The following MED13 variants were observed in gnomAD, a reference collection of about 807,000 sequenced individuals.
MED13 encodes the protein mediator of RNA polymerase II transcription subunit 13.
In MED13, 23 loss-of-function variants were observed where a neutral mutation model predicts 225.2. That is an observed-to-expected ratio of 0.10 (90% CI 0.07 to 0.14). The LOEUF is 0.14. MED13 is among the 10% of genes least tolerant of loss of function. MED13 has a pLI of 1.00. For synonymous variants in MED13, 942 were observed against 889.2 expected (o/e 1.06, Z -1.06); for missense variants, 2,197 against 2,594.5 (o/e 0.85, Z 3.33).
At chr17:61,959,502 C>G (rs2079979132) in intron 23 of MED13, among the ~76,000 whole-genome samples, 1 of 151,812 alleles carries the variant, frequency 6.6e-6, no homozygotes, top group African/African-American at 2.4e-5. Context: ...AAAATTGTAT[C>G]AAGGAAATAA....
chr17:61,967,895 TAA>T (rs2080072973), intron 18 of MED13, 138 bp downstream of exon 18: 7 of 668,886 alleles, frequency 1.0e-5, no homozygotes, highest in Non-Finnish European at 1.7e-5. Context: ...GCAAAGAATG[TAA>T]CTGGCTAGTA....
rs2080074515 is a variant in MED13, at chr17:61,968,048, G to A, written c.4178C>T (p.Thr1393Ile). The A allele has an allele frequency of 6.2e-7, 1 of 1,610,366 alleles. No individual in the cohort carries two copies. Residue 1393 changes from threonine to isoleucine, a missense_variant, in exon 18 of 30, where the codon ACT becomes ATT. Thr to Ile is a moderately conservative substitution (Grantham distance 89, BLOSUM62 -1). This residue lies in a region of MED13 where 457 missense variants were observed against 442.2 expected (regional missense o/e 1.03). Transcript: ENST00000397786. The stretch of plus-strand genomic sequence containing the variant: ...TTAAACACCTACCTCATATATTGCA[G>A]TAAGATCTCTAAAAAAGCTTTTTGC... Reference protein sequence around the residue: ...NGAKSFFRDLTAIYESCRLGQ... With the variant: ...NGAKSFFRDLIAIYESCRLGQ...
chr17:62,052,809 T>G, intron 2 of MED13, 104 bp from the exon 3 acceptor site: 1 of 673,068 alleles, frequency 1.5e-6, no homozygotes, highest in Non-Finnish European at 2.3e-6. Flanking sequence ...AACACTAGCT[T>G]ACCCCAGAAT....
rs754218670 is a variant in MED13 at position 61,961,677 on chromosome 17, G to A, written c.5167C>T (p.Arg1723Trp). ...TTGGTTGATGTTGGAAGTGGCCTCC[G>A]ACACTGGGTAAAGGCCGAAAAAGCC... The part of the protein sequence containing the change: ...SLAFSAFTQC[R>W]RPLPTSTNVK... Residue 1723 changes from arginine to tryptophan, a missense_variant, in exon 22 of 30, where the codon CGG becomes TGG. This residue lies in a region of MED13 where 457 missense variants were observed against 442.2 expected (regional missense o/e 1.03). Transcript: ENST00000397786. 1.1e-5 allele frequency: 17 copies of A among 1,613,950 alleles called. No homozygotes were observed. Among genetic ancestry groups the A allele is most frequent in the Non-Finnish European group, 1.4e-5 (17 of 1,179,994 alleles).
chr17:61,959,774 G>A (rs553871592), intron 23 of MED13, among the ~76,000 whole-genome samples: 8 of 138,620 alleles, frequency 5.8e-5, no homozygotes, highest in Admixed American at 1.6e-4. Flanking sequence ...TGTCGCCCAC[G>A]TTAAAGTGCA....
chr17:62,024,523 A>G (rs1161518366), intron 8 of MED13, among the ~76,000 whole-genome samples: 1 of 152,130 alleles, frequency 6.6e-6, no homozygotes, highest in Non-Finnish European at 1.5e-5. Context: ...TGGGAAAGAA[A>G]ATCCTAATTT....
At chr17:62,018,715 C>CA (rs200425824) in intron 8 of MED13, among the ~76,000 whole-genome samples, 34,599 of 124,612 alleles carry the variant, frequency 0.28, 4,916 homozygotes, top group East Asian at 0.52. Context: ...GACCCTATCT[C>CA]AAAAAAAAAA....
At chr17:61,948,236 A>G (rs1176344084) in intron 28 of MED13, among the ~76,000 whole-genome samples, 2 of 152,234 alleles carry the variant, frequency 1.3e-5, no homozygotes, top group Admixed American at 6.5e-5. Context: ...GTGAACAAAA[A>G]GTATGGTAAA....
Position 62,052,655 on chromosome 17 carries a change from G to C in MED13, c.352C>G (p.Leu118Val). The C allele has an allele frequency of 6.2e-7, 1 of 1,601,498 alleles. No homozygotes were observed. Residue 118 changes from leucine to valine, a missense_variant, in exon 3 of 30, where the codon CTG (leucine) becomes GTG (valine). This residue lies in a region of MED13 where 884 missense variants were observed against 918.5 expected (regional missense o/e 0.96). Transcript: ENST00000397786. ...AGATTGTGAACTGCTTTGAAAAGCA[G>C]AGTACGGCATTCATAGGAAAGTCCA... ...ENGLSYECRTLLFKAVHNLLE... is the reference protein window; with the variant it reads ...ENGLSYECRTVLFKAVHNLLE...
chr17:62,051,911 C>G (rs2080960372), intron 3 of MED13, among the ~76,000 whole-genome samples: 1 of 152,110 alleles, frequency 6.6e-6, no homozygotes. Context: ...CACGGAGAAG[C>G]GAGTAACCTG....
At chr17:62,054,829 C>A (rs1020693179) in intron 2 of MED13, among the ~76,000 whole-genome samples, 1 of 151,902 alleles carries the variant, frequency 6.6e-6, no homozygotes, top group African/African-American at 2.4e-5. Flanking sequence ...TTTTTATTAC[C>A]TTTTATTTCA....
chr17:62,031,398 C>G, intron 6 of MED13, 46 bp downstream of exon 6: 1 of 1,435,248 alleles, frequency 7.0e-7, no homozygotes, highest in Non-Finnish European at 9.3e-7. Flanking sequence ...TTACTGTACA[C>G]AAAATAACAA....
Position 61,943,409 on chromosome 17 carries a change from CTGCAAATCTTTGT to C in MED13, c.*3046_*3058del, listed in dbSNP as rs2079829295. On this transcript the variant is annotated 3_prime_UTR_variant, in exon 30 of 30. Coordinates refer to ENST00000397786, the MANE Select transcript of MED13 (RefSeq NM_005121.3). The stretch of plus-strand genomic sequence containing the variant: ...ATTAACATAGTGCTTGATTAAAGAT[CTGCAAATCTTTGT>C]AGTAACACATTAAGTTAAAAAATTA... The C allele has an allele frequency of 6.6e-6, 1 of 152,488 alleles. No individual in the cohort carries two copies. The highest frequency in any genetic ancestry group is 1.5e-5 in the Non-Finnish European group (1 of 67,984). 9.4% of individuals were successfully genotyped at this position (152,488 alleles called of 1,614,324 possible). A position where few individuals can be genotyped will look rare whatever the true frequency, so the allele number is the denominator to read the frequency against.
intron 23 of MED13, among the ~76,000 whole-genome samples, chr17:61,956,942 G>T (rs765562076): frequency 6.6e-6 from 1 of 152,024 alleles, no homozygotes; most frequent in Non-Finnish European, 1.5e-5. Flanking sequence ...TAAAATCATA[G>T]GTTTGGCATC....
At chr17:61,993,247 G>A (rs2080317759) in intron 10 of MED13, among the ~76,000 whole-genome samples, 1 of 121,594 alleles carries the variant, frequency 8.2e-6, no homozygotes, top group South Asian at 2.7e-4. Flanking sequence ...TGTCACCCAC[G>A]CTAGAGTGCA....
chr17:62,009,035 A>G (rs1456669931), intron 9 of MED13, among the ~76,000 whole-genome samples: 2 of 152,212 alleles, frequency 1.3e-5, no homozygotes, highest in African/African-American at 4.8e-5. Flanking sequence ...CAAGTAATTC[A>G]CTAAAAAAAA....
chr17:61,974,090 T>C (rs1478441023), intron 16 of MED13, among the ~76,000 whole-genome samples: 2 of 152,154 alleles, frequency 1.3e-5, no homozygotes, highest in Admixed American at 6.5e-5. Flanking sequence ...TTTGTATACA[T>C]AGTAGAATAC....
At chr17:62,061,263 A>G (rs2081036899) in intron 2 of MED13, among the ~76,000 whole-genome samples, 1 of 152,142 alleles carries the variant, frequency 6.6e-6, no homozygotes, top group Non-Finnish European at 1.5e-5. Flanking sequence ...TCACACTTGT[A>G]ATCCCAGCAC....
intron 9 of MED13, among the ~76,000 whole-genome samples, chr17:62,003,363 T>C (rs1333591432): frequency 6.6e-6 from 1 of 152,118 alleles, no homozygotes; most frequent in East Asian, 1.9e-4. Context: ...CCCAGCACTT[T>C]GTGAGGCTGA....
Sources: gnomAD v4.1 joint callset for allele counts (sites outside exome capture counted in the v4.1 genomes callset) on GRCh38, gnomAD v4.1.1 for gene constraint, gnomAD v4.1.1 regional missense constraint, MANE v1.5 for transcripts, NCBI Gene and HGNC (gene_info 2026-07-23, HGNC 2026-07-21) for gene names.